TPST1: variants seen among roughly 807,000 people sequenced by gnomAD.
TPST1 encodes the protein protein-tyrosine sulfotransferase 1.
In TPST1, 20 loss-of-function variants were observed where a neutral mutation model predicts 34.8. The ratio of observed to expected loss-of-function variants is 0.57; its 90% CI spans 0.40 to 0.84. TPST1 has a LOEUF of 0.84. TPST1 is among the 40% of genes least tolerant of loss of function. The probability of loss-of-function intolerance (pLI) is 0.00; values close to 1 mark genes in which losing one functional copy is unlikely to be tolerated. For missense variants in TPST1, 353 were observed against 455.5 expected (o/e 0.78, Z 2.05); for synonymous variants, 152 against 159.4 (o/e 0.95, Z 0.35).
At chr7:66,213,994 C>G (rs544750950) in intron 1 of TPST1, among the ~76,000 whole-genome samples, 27 of 152,266 alleles carry the variant, frequency 1.8e-4, no homozygotes, top group Admixed American at 3.3e-4. Flanking sequence ...TCCCAGCCTG[C>G]CTTTTGTTTC....
At chr7:66,248,425 CATTG>C (rs1186959348) in intron 2 of TPST1, among the ~76,000 whole-genome samples, 4 of 150,144 alleles carry the variant, frequency 2.7e-5, no homozygotes, top group African/African-American at 9.8e-5. Flanking sequence ...AAAAGAAAAA[CATTG>C]ATTGTAATGT....
intron 2 of TPST1, among the ~76,000 whole-genome samples, chr7:66,249,332 G>C (rs1471329861): frequency 6.6e-6 from 1 of 151,942 alleles, no homozygotes; most frequent in African/African-American, 2.4e-5. Context: ...TACTGTCAAA[G>C]AAAAGCCAAG....
intron 1 of TPST1, among the ~76,000 whole-genome samples, chr7:66,218,976 G>A (rs796915266): frequency 2.6e-5 from 4 of 151,496 alleles, no homozygotes; most frequent in African/African-American, 9.7e-5. Context: ...TGCCTCCCCG[G>A]TTTAAGCAAT....
chr7:66,309,408 T>C (rs1046065989), intron 3 of TPST1, among the ~76,000 whole-genome samples: 2 of 152,234 alleles, frequency 1.3e-5, no homozygotes, highest in African/African-American at 4.8e-5. Context: ...GTTACATTCC[T>C]TCTTGTCTGG....
At position 66,356,873 on chromosome 7, in the gene TPST1, T is replaced by G. The variant is rs1792592855; in HGVS notation, c.*29+2T>G. 1.9e-6 allele frequency: 3 copies of G among 1,613,838 alleles called. No individual in the cohort carries two copies. The highest frequency in any genetic ancestry group is 2.5e-6 in the Non-Finnish European group (3 of 1,179,942). On this transcript the variant is annotated splice_donor_variant, in intron 5 of 5. Transcript: ENST00000304842. LOFTEE classifies it low-confidence loss of function (3UTR_SPLICE). ...CCAGGAGCCTCTTCCATACATGAGG[T>G]GAGGGTTGGGGGACATTGCCAGGTC... is the stretch of plus-strand genomic sequence containing the variant.
intron 1 of TPST1, among the ~76,000 whole-genome samples, chr7:66,232,534 G>A (rs1391912241): frequency 3.9e-5 from 6 of 152,016 alleles, no homozygotes; most frequent in South Asian, 4.2e-4. Flanking sequence ...CACCATGCCC[G>A]GCTAATTTTT....
chr7:66,250,391 T>G (rs1485187938), intron 2 of TPST1, among the ~76,000 whole-genome samples: 2 of 152,232 alleles, frequency 1.3e-5, no homozygotes, highest in East Asian at 3.8e-4. Flanking sequence ...ACAGCATTTA[T>G]GAAGACAAAC....
chr7:66,229,523 A>G (rs1789734023), intron 1 of TPST1, among the ~76,000 whole-genome samples: 2 of 152,186 alleles, frequency 1.3e-5, no homozygotes. Flanking sequence ...TGAATATGTC[A>G]CACTTTATTC....
intron 1 of TPST1, among the ~76,000 whole-genome samples, chr7:66,234,416 CACACACACACACACAG>C (rs1789865501): frequency 2.0e-5 from 3 of 150,908 alleles, no homozygotes; most frequent in African/African-American, 2.4e-5. Flanking sequence ...CACACACACA[CACACACACACACACAG>C]ACACACACAC....
chr7:66,225,207 G>A (rs1162956785), intron 1 of TPST1, among the ~76,000 whole-genome samples: 1 of 151,200 alleles, frequency 6.6e-6, no homozygotes, highest in Non-Finnish European at 1.5e-5. Context: ...ATGAACCACC[G>A]CACCCGGCCC....
chr7:66,264,179 A>G (rs1166408167), intron 2 of TPST1, among the ~76,000 whole-genome samples: 4 of 152,226 alleles, frequency 2.6e-5, no homozygotes, highest in Non-Finnish European at 5.9e-5. Flanking sequence ...GTTATCAAGA[A>G]ACATTTACAG....
At chr7:66,266,906 AG>A (rs1393557069) in intron 2 of TPST1, among the ~76,000 whole-genome samples, 1 of 152,074 alleles carries the variant, frequency 6.6e-6, no homozygotes, top group East Asian at 1.9e-4. Flanking sequence ...GAGACTGTTG[AG>A]GGGCTAGAAA....
chr7:66,267,773 T>TG (rs1208761172), intron 2 of TPST1, among the ~76,000 whole-genome samples: 1 of 152,200 alleles, frequency 6.6e-6, no homozygotes, highest in Non-Finnish European at 1.5e-5. Flanking sequence ...AGAATCATCC[T>TG]GGGCGCATAA....
At chr7:66,302,776 A>T (rs139642231) in intron 3 of TPST1, among the ~76,000 whole-genome samples, 83 of 152,304 alleles carry the variant, frequency 5.4e-4, no homozygotes, top group Middle Eastern at 3.4e-3. Context: ...AAAAGTATGA[A>T]GTTTAGTTTA....
At chr7:66,210,012 G>A (rs1789210923) in intron 1 of TPST1, among the ~76,000 whole-genome samples, 1 of 152,126 alleles carries the variant, frequency 6.6e-6, no homozygotes, top group Non-Finnish European at 1.5e-5. Context: ...TGGTAGCATT[G>A]TAGAGAACAG....
At chr7:66,203,383 G>A (rs978848700), upstream of TPST1, among the ~76,000 whole-genome samples, 2 of 151,968 alleles carry the variant, frequency 1.3e-5, no homozygotes, top group African/African-American at 2.4e-5. Context: ...GGGATTACAG[G>A]CGTGAGCCAC....
intron 2 of TPST1, among the ~76,000 whole-genome samples, chr7:66,267,902 T>C (rs1358622345): frequency 6.6e-6 from 1 of 152,112 alleles, no homozygotes; most frequent in Non-Finnish European, 1.5e-5. Context: ...ATTAGATGGC[T>C]ACTTTTTCTC....
chr7:66,218,402 A>T (rs1789469679), intron 1 of TPST1, among the ~76,000 whole-genome samples: 1 of 152,160 alleles, frequency 6.6e-6, no homozygotes, highest in African/African-American at 2.4e-5. Context: ...ATGCTCATTT[A>T]ATGTATGTAA....
At chr7:66,254,179 C>T (rs1790333704) in intron 2 of TPST1, among the ~76,000 whole-genome samples, 1 of 151,868 alleles carries the variant, frequency 6.6e-6, no homozygotes, top group African/African-American at 2.4e-5. Context: ...TACATTGAAC[C>T]TGTAGGTAAT....
Sources: gnomAD v4.1 joint callset for allele counts (sites outside exome capture counted in the v4.1 genomes callset) on GRCh38, gnomAD v4.1.1 for gene constraint, MANE v1.5 for transcripts, NCBI Gene and HGNC (gene_info 2026-07-23, HGNC 2026-07-21) for gene names.